The following PFKP variants were observed in gnomAD, a reference collection of about 807,000 sequenced individuals.
PFKP encodes ATP-dependent 6-phosphofructokinase, platelet type.
A neutral mutation model predicts 94.3 loss-of-function variants in PFKP; 101 were observed. The observed-to-expected ratio is 1.07, with a 90% CI of 0.91 to 1.26. The LOEUF is 1.26. Among genes scored for constraint, PFKP ranks in the 50% most tolerant of loss-of-function variants. PFKP has a pLI of 0.00. For synonymous variants in PFKP, 573 were observed against 432.6 expected, an observed-to-expected ratio of 1.32 and a Z score of -4.03; for missense variants, 1,145 against 1,103.3, an observed-to-expected ratio of 1.04 and a Z score of -0.53.
At chr10:3,105,774 A>G (rs2388573) in intron 7 of PFKP, among the ~76,000 whole-genome samples, 44,516 of 151,858 alleles carry the variant, frequency 0.29, 6,724 homozygotes, top group East Asian at 0.46. Context: ...TCCGGCAGGC[A>G]GACTTCAGGC....
chr10:3,129,518 C>T (rs921330198), intron 16 of PFKP: 7 of 361,398 alleles, frequency 1.9e-5, no homozygotes, highest in East Asian at 1.5e-4. Context: ...CTTGTGGGGT[C>T]GTCTTTTCCG....
At chr10:3,107,090 T>G in intron 7 of PFKP, 124 bp from the exon 8 acceptor site, 1 of 628,980 alleles carries the variant, frequency 1.6e-6, no homozygotes, top group South Asian at 1.8e-5. Context: ...TCTTAGGAAG[T>G]TAGGCAAAGA....
intron 2 of PFKP, among the ~76,000 whole-genome samples, chr10:3,092,596 T>A (rs1196849162): frequency 2.0e-5 from 3 of 152,100 alleles, no homozygotes; most frequent in African/African-American, 4.8e-5. Flanking sequence ...GTACCCTAAT[T>A]TGGTCATTAC....
At chr10:3,101,635 T>C (rs1835007652) in intron 4 of PFKP, 81 bp downstream of exon 4, 1 of 1,028,256 alleles carries the variant, frequency 9.7e-7, no homozygotes, top group Non-Finnish European at 1.4e-6. Flanking sequence ...CCCTCTTCAC[T>C]GTGGCAGAAG....
At chr10:3,135,559 A>T (rs928716282) in intron 20 of PFKP, among the ~76,000 whole-genome samples, 177 bp from the exon 21 acceptor site, 16 of 152,242 alleles carry the variant, frequency 1.1e-4, no homozygotes, top group Admixed American at 4.6e-4. Context: ...ACAGGAGCAG[A>T]GCTGCACGAG....
At chr10:3,086,765 T>C (rs1422836775) in intron 2 of PFKP, among the ~76,000 whole-genome samples, 1 of 152,060 alleles carries the variant, frequency 6.6e-6, no homozygotes, top group Non-Finnish European at 1.5e-5. Flanking sequence ...CACTTTAATC[T>C]CTCTTGATGT....
chr10:3,098,063 A>G (rs1389634572), intron 2 of PFKP, among the ~76,000 whole-genome samples: 1 of 152,188 alleles, frequency 6.6e-6, no homozygotes, highest in Non-Finnish European at 1.5e-5. Context: ...GTAGAAATTT[A>G]TAAATATAAG....
At chr10:3,133,152 C>T (rs758526707) in intron 18 of PFKP, 51 bp from the exon 19 acceptor site, 4 of 1,337,918 alleles carry the variant, frequency 3.0e-6, no homozygotes, top group East Asian at 2.3e-5. Context: ...AAGCAGGGAG[C>T]CACGTGCCCA....
rs746431215 is a variant in PFKP, at chr10:3,116,873, C to A, written c.1442+27C>A. Reference sequence around the variant, plus strand: ...TAACTTCCAAATCTCAACTCTATGACCTGCTTTTAAGGAAGAAGGAAGAGC... The same window carrying A: ...TAACTTCCAAATCTCAACTCTATGAACTGCTTTTAAGGAAGAAGGAAGAGC... On this transcript the variant is annotated intron_variant, in intron 14 of 21. Transcript: ENST00000381125. The A allele has an allele frequency of 2.4e-5, 37 of 1,522,958 alleles. No individual in the cohort carries two copies. In the South Asian group the frequency reaches 3.5e-4, roughly 14 times the overall value. The allele number at this position is 1,522,958 out of a possible 1,614,324, so 94.3% of individuals were successfully genotyped here.
intron 16 of PFKP, among the ~76,000 whole-genome samples, chr10:3,122,215 ATG>A (rs61216866): frequency 0.16 from 23,927 of 152,040 alleles, 2,368 homozygotes; most frequent in East Asian, 0.36. Flanking sequence ...TGGTAAGTGC[ATG>A]TGTGTGTCCT....
chr10:3,112,924 C>T (rs765686211), intron 11 of PFKP, among the ~76,000 whole-genome samples, 195 bp from the exon 12 acceptor site: 22 of 152,218 alleles, frequency 1.4e-4, no homozygotes, highest in South Asian at 2.1e-4. Context: ...AGTCCATTTC[C>T]ACCAGACACG....
chr10:3,082,437 G>C lies in PFKP; in HGVS notation c.162G>C (p.Gly54=), dbSNP rs886983817. ...TGGTGCGCATGGGTATCTACGTGGG[G>C]GCCAAGGTGTACTTCATCTACGAGG... ...RAVVRMGIYV[G]AKVYFIYEGY... The change falls in exon 2 of 22, where the codon GGG becomes GGC. Residue 54 remains glycine (G), a synonymous_variant. Transcript: ENST00000381125. The C allele has an allele frequency of 1.1e-5, 17 of 1,606,908 alleles. No individual in the cohort carries two copies. The highest frequency in any genetic ancestry group is 6.7e-5 in the Admixed American group (4 of 59,608).
intron 16 of PFKP, among the ~76,000 whole-genome samples, chr10:3,126,602 G>A (rs1019876471): frequency 2.6e-5 from 4 of 151,990 alleles, no homozygotes; most frequent in Non-Finnish European, 5.9e-5. Context: ...GCAGAGGCTC[G>A]GCTGCCGTGA....
chr10:3,116,674 C>T (rs1269367826), intron 13 of PFKP, 102 bp from the exon 14 acceptor site: 59 of 859,718 alleles, frequency 6.9e-5, no homozygotes, highest in African/African-American at 2.8e-4. Flanking sequence ...AAATCTTTAC[C>T]GGAATGCAGC....
At chr10:3,105,296 C>A in intron 6 of PFKP, 97 bp from the exon 7 acceptor site, 3 of 1,297,732 alleles carry the variant, frequency 2.3e-6, no homozygotes, top group Non-Finnish European at 3.4e-6. Flanking sequence ...TCATACCTGG[C>A]GTTAGGTCTG....
At position 3,067,719 on chromosome 10, in the gene PFKP, C is replaced by G. The variant is rs569764279; in HGVS notation, c.112+12C>G. 1,815 of 1,425,450 alleles carry G rather than the reference C, an allele frequency of 1.3e-3. 1 individual carries two copies. The highest frequency in any genetic ancestry group is 1.4e-3 in the Non-Finnish European group (1,540 of 1,066,396). The allele number at this position is 1,425,450 out of a possible 1,614,324, so 88.3% of individuals were successfully genotyped here. On this transcript the variant is annotated intron_variant, in intron 1 of 21. Coordinates refer to ENST00000381125, the MANE Select transcript of PFKP (RefSeq NM_002627.5). Reference sequence around the variant, plus strand: ...CGGGGATGCTCAAGGTGCGCGCCCCCCTCCCGGCGGCGAGGGAGGGACGGA... The same window carrying G: ...CGGGGATGCTCAAGGTGCGCGCCCCGCTCCCGGCGGCGAGGGAGGGACGGA...
At chr10:3,089,361 C>T (rs10795002) in intron 2 of PFKP, among the ~76,000 whole-genome samples, 94,529 of 151,964 alleles carry the variant, frequency 0.62, 30,748 homozygotes, top group Middle Eastern at 0.75. Flanking sequence ...TCCATTTATC[C>T]GCTGACGGGC....
At chr10:3,071,633 C>A (rs745698773) in intron 1 of PFKP, among the ~76,000 whole-genome samples, 6 of 152,088 alleles carry the variant, frequency 3.9e-5, no homozygotes, top group Non-Finnish European at 8.8e-5. Context: ...GTCTTAGTCA[C>A]AGGTTGTGGC....
At chr10:3,082,733 C>CT (rs1833186282) in intron 2 of PFKP, among the ~76,000 whole-genome samples, 1 of 151,732 alleles carries the variant, frequency 6.6e-6, no homozygotes, top group African/African-American at 2.4e-5. Flanking sequence ...TCTTTTTTTT[C>CT]TTTTTTAGAC....
Sources: allele counts gnomAD v4.1 joint callset (sites outside exome capture counted in the v4.1 genomes callset), GRCh38; gene constraint gnomAD v4.1.1; transcripts MANE v1.5; gene names NCBI Gene and HGNC (gene_info 2026-07-23, HGNC 2026-07-21).